The following RPSA variants were observed in gnomAD, a reference collection of about 807,000 sequenced individuals.
The protein encoded by RPSA is ribosomal protein SA.
For synonymous variants in RPSA, 103 were observed against 126.7 expected (o/e 0.81, Z 1.25); for missense variants, 140 against 372.8 (o/e 0.38, Z 5.14).
intron 1 of RPSA, 151 bp downstream of exon 1, chr3:39,406,915 A>T (rs1332151644): frequency 4.4e-6 from 2 of 455,156 alleles, no homozygotes; most frequent in South Asian, 1.6e-5. Context: ...TGCGGCCCGC[A>T]CGTGGCCAGG....
At chr3:39,407,902 C>A in intron 2 of RPSA, 116 bp downstream of exon 2, 1 of 728,362 alleles carries the variant, frequency 1.4e-6, no homozygotes, top group Admixed American at 2.7e-5. Flanking sequence ...GAAGCCAGAC[C>A]CCTACGTTGA....
intron 2 of RPSA, chr3:39,408,123 A>G (rs999232842): frequency 5.4e-6 from 2 of 370,242 alleles, no homozygotes; most frequent in Admixed American, 4.2e-5. Flanking sequence ...AAAGTGGGGT[A>G]AGAGGTGGGA....
At chr3:39,407,544 A>G in intron 1 of RPSA, 77 bp from the exon 2 acceptor site, 1 of 1,004,190 alleles carries the variant, frequency 1.0e-6, no homozygotes, top group Non-Finnish European at 1.6e-6. Context: ...TAGCAGATGG[A>G]GTTTTTGGTT....
rs757854946 is a variant in RPSA at position 39,412,145 on chromosome 3, T to C, written c.793+84T>C. 72 of 1,432,466 alleles carry C rather than the reference T, an allele frequency of 5.0e-5. No individual in the cohort carries two copies. In the African/African-American group the frequency reaches 9.4e-4, roughly 19 times the overall value. The allele number at this position is 1,432,466 out of a possible 1,614,324, so 88.7% of individuals were successfully genotyped here. Reference sequence around the variant, plus strand: ...TAACTTTAATGATCTCTGTGACTTTTATACTAGCTTTAAGAGGTTTTCATT... The same window carrying C: ...TAACTTTAATGATCTCTGTGACTTTCATACTAGCTTTAAGAGGTTTTCATT... On this transcript the variant is annotated intron_variant, in intron 6 of 6. Transcript: ENST00000301821.
At chr3:39,409,527 G>C (rs1192500963) in intron 3 of RPSA, among the ~76,000 whole-genome samples, 1 of 152,158 alleles carries the variant, frequency 6.6e-6, no homozygotes, top group Admixed American at 6.5e-5. Context: ...CATACATGCT[G>C]GGCATCTGGC....
chr3:39,410,406 T>C (rs2041988814), intron 3 of RPSA: 2 of 315,406 alleles, frequency 6.3e-6, no homozygotes, highest in East Asian at 1.5e-4. Flanking sequence ...ACTGACTTGT[T>C]ACTAGGACCA....
chr3:39,408,294 G>A, intron 2 of RPSA: 1 of 515,014 alleles, frequency 1.9e-6, no homozygotes, highest in East Asian at 4.2e-5. Context: ...AAGGGAAAGA[G>A]TGGCAGAAAG....
intron 2 of RPSA, 146 bp downstream of exon 2, chr3:39,407,932 GTTCT>G: frequency 1.6e-6 from 1 of 636,142 alleles, no homozygotes; most frequent in Non-Finnish European, 2.7e-6. Context: ...TTAAATAAAT[GTTCT>G]TGTTATTGAG....
chr3:39,407,907 C>A, intron 2 of RPSA, 121 bp downstream of exon 2: 1 of 695,194 alleles, frequency 1.4e-6, no homozygotes, highest in Non-Finnish European at 2.4e-6. Flanking sequence ...CAGACCCCTA[C>A]GTTGAAAACA....
chr3:39,407,882 T>C, intron 2 of RPSA, 96 bp downstream of exon 2: 1 of 935,280 alleles, frequency 1.1e-6, no homozygotes, highest in Non-Finnish European at 1.6e-6. Context: ...TCTTTCTATC[T>C]TCCTTAAATG....
At chr3:39,411,503 C>G (rs1362741392) in intron 4 of RPSA, 146 bp from the exon 5 acceptor site, 1 of 813,260 alleles carries the variant, frequency 1.2e-6, no homozygotes, top group Non-Finnish European at 1.9e-6. Flanking sequence ...GTTGAAAATC[C>G]CTATTTATAA....
In RPSA at chr3:39,408,700, T is replaced by C. The variant is rs577387094; in HGVS notation, c.228T>C (p.Val76=). The change falls in exon 3 of 7, where the codon GTT becomes GTC. Residue 76 remains valine, a synonymous_variant. Coordinates refer to ENST00000301821, the MANE Select transcript of RPSA (RefSeq NM_002295.6). ...VAIENPADVS[V]ISSRNTGQRA... is the part of the protein sequence containing the mutation. ...TTGAAAACCCTGCTGATGTCAGTGTTATATCCTCCAGGAATACTGGCCAGG... is the reference window on the plus strand; with the variant it reads ...TTGAAAACCCTGCTGATGTCAGTGTCATATCCTCCAGGAATACTGGCCAGG... 1.6e-4 allele frequency: 251 copies of C among 1,601,304 alleles called. 1 individual carries two copies. In the South Asian group the frequency reaches 1.9e-3, roughly 12 times the overall value.
At position 39,412,481 on chromosome 3, in the gene RPSA, C is replaced by T. The variant is rs559288026; in HGVS notation, c.*113C>T. 1.4e-5 allele frequency: 9 copies of T among 643,484 alleles called. No homozygotes were observed. Among genetic ancestry groups the T allele is most frequent in the South Asian group, 1.3e-4 (7 of 53,490 alleles). The allele number at this position is 643,484 out of a possible 1,614,324, so 39.9% of individuals were successfully genotyped here. On this transcript the variant is annotated 3_prime_UTR_variant, in exon 7 of 7. Coordinates refer to ENST00000301821, the MANE Select transcript of RPSA (RefSeq NM_002295.6). Reference sequence around the variant, plus strand: ...TGCTTTTTACTCCAGATCAGAATACCTGGGATTGCATATCAAAGCATAATA... The same window carrying T: ...TGCTTTTTACTCCAGATCAGAATACTTGGGATTGCATATCAAAGCATAATA...
At chr3:39,408,409 A>G (rs764884464) in intron 2 of RPSA, 197 bp from the exon 3 acceptor site, 1 of 759,246 alleles carries the variant, frequency 1.3e-6, no homozygotes, top group Non-Finnish European at 2.4e-6. Context: ...ATTAAAGCTC[A>G]GGGTGGAGGC....
chr3:39,409,245 A>AC (rs2041969273), intron 3 of RPSA, among the ~76,000 whole-genome samples: 2 of 80,696 alleles, frequency 2.5e-5, no homozygotes, highest in Non-Finnish European at 2.6e-5. Flanking sequence ...CCTGTTGTCC[A>AC]TCCTGGACTG....
chr3:39,406,981 C>T lies in RPSA; in HGVS notation c.-34+217C>T, dbSNP rs1158614204. 12 of 451,172 alleles carry T rather than the reference C, an allele frequency of 2.7e-5. No individual in the cohort carries two copies. In the Admixed American group the frequency reaches 2.9e-4, roughly 11 times the overall value. The allele number at this position is 451,172 out of a possible 1,614,324, so 27.9% of individuals were successfully genotyped here. A position where few individuals can be genotyped will look rare whatever the true frequency, so the allele number is the denominator to read the frequency against. On this transcript the variant is annotated intron_variant, in intron 1 of 6. Transcript: ENST00000301821. ...GGAGCGGGTGGAGGCCGCCCTCCAG[C>T]GGAGGCTCCGAGCTGGGGTTCGGAC...
At position 39,410,734 on chromosome 3, in the gene RPSA, A is replaced by G. The variant is rs760557550; in HGVS notation, c.253-20A>G. On this transcript the variant is annotated intron_variant, in intron 3 of 6. Transcript: ENST00000301821. ...TTGCTGTGGAATATCGAGTACCACT[A>G]ACTTTTAAATTCTTCAAAGAGGGCT... 9.3e-6 allele frequency: 15 copies of G among 1,613,924 alleles called. No homozygotes were observed. Among genetic ancestry groups the G allele is most frequent in the Non-Finnish European group, 1.3e-5 (15 of 1,179,840 alleles).
In RPSA at chr3:39,408,572, G is replaced by A. The variant is rs747671119; in HGVS notation, c.134-34G>A. 7 of 1,148,672 alleles carry A rather than the reference G, an allele frequency of 6.1e-6. No individual in the cohort carries two copies. The African/African-American group carries it at 9.1e-5, about 15-fold the overall frequency. The allele number at this position is 1,148,672 out of a possible 1,614,324, so 71.2% of individuals were successfully genotyped here. On this transcript the variant is annotated intron_variant, in intron 2 of 6. Transcript: ENST00000301821. ...TTGAGAAGAATGTTTGCACAGCCAGGTCAAGTGTTACAAATCCTTCTGCCC... is the reference window on the plus strand; with the variant it reads ...TTGAGAAGAATGTTTGCACAGCCAGATCAAGTGTTACAAATCCTTCTGCCC...
chr3:39,407,861 T>C, intron 2 of RPSA, 75 bp downstream of exon 2: 2 of 1,195,890 alleles, frequency 1.7e-6, no homozygotes, highest in South Asian at 1.3e-5. Flanking sequence ...CGTGGTTAGT[T>C]CTGGGTAATT....
Sources: gnomAD v4.1 joint callset for allele counts (sites outside exome capture counted in the v4.1 genomes callset) on GRCh38, gnomAD v4.1.1 for gene constraint, MANE v1.5 for transcripts, NCBI Gene and HGNC (gene_info 2026-07-23, HGNC 2026-07-21) for gene names.